Variants in VPS4A observed in about 807,000 individuals in gnomAD.
VPS4A encodes the protein vacuolar protein sorting 4 homolog A, also known as vacuolar protein sorting-associated protein 4A.
In VPS4A, 20 loss-of-function variants were observed where a neutral mutation model predicts 52.3. That is an observed-to-expected ratio of 0.38 (90% CI 0.27 to 0.56). VPS4A has a LOEUF of 0.56. Among genes scored for constraint, VPS4A ranks in the 20% least tolerant of loss-of-function variants. VPS4A has a pLI of 0.72. For missense variants in VPS4A, 419 were observed against 575.9 expected, an observed-to-expected ratio of 0.73 and a Z score of 2.79; for synonymous variants, 293 against 227.7, an observed-to-expected ratio of 1.29 and a Z score of -2.58.
chr16:69,321,674 C>T lies in VPS4A; in HGVS notation c.1071+404C>T. ...GCTGTGGGTCCTCCTGTGTGCCCGGCCCTGTCCTAAGTGCTGGGAAGATAT... is the reference window on the plus strand; with the variant it reads ...GCTGTGGGTCCTCCTGTGTGCCCGGTCCTGTCCTAAGTGCTGGGAAGATAT... On this transcript the variant is annotated intron_variant, in intron 9 of 10. Transcript: ENST00000254950. This position sits in a 1 kb window ranked among gnomAD's most constrained non-coding sequence, Gnocchi z 4.5. 1 of 238,576 alleles carries T rather than the reference C, an allele frequency of 4.2e-6. No individual in the cohort carries two copies. The highest frequency in any genetic ancestry group is 5.0e-5 in the Admixed American group (1 of 19,844). 14.8% of individuals were successfully genotyped at this position (238,576 alleles called of 1,614,324 possible).
Position 69,312,735 on chromosome 16 carries a change from C to G in VPS4A, c.21+1203C>G, listed in dbSNP as rs2143242901. 2.0e-5 allele frequency among the ~76,000 whole-genome samples: 3 copies of G among 152,212 alleles called. No individual in the cohort carries two copies. The East Asian group carries it at 5.8e-4, about 29-fold the overall frequency. On this transcript the variant is annotated intron_variant, in intron 1 of 10. Coordinates refer to ENST00000254950, the MANE Select transcript of VPS4A (RefSeq NM_013245.3). ...TCAAGCGATTCTCCTGCCTCAGCCT[C>G]CTGAGTAGCTGGGATTACGGGCACC...
At position 69,316,339 on chromosome 16, in the gene VPS4A, A is replaced by G. The variant is rs532302590; in HGVS notation, c.248A>G (p.Lys83Arg). 127 of 1,613,874 alleles carry G rather than the reference A, an allele frequency of 7.9e-5. No individual in the cohort carries two copies. The highest frequency in any genetic ancestry group is 9.2e-5 in the Non-Finnish European group (108 of 1,179,866). ...YLRSKEKHGK[K>R]PVKENQSEGK... ...CGAAGCAAAGAGAAACACGGCAAGA[A>G]GCCAGTCAAAGAGAACCAGAGTGAG... Residue 83 changes from lysine to arginine, a missense_variant, in exon 3 of 11, where the codon AAG (lysine) becomes AGG (arginine). This residue lies in a region of VPS4A where 131 missense variants were observed against 165.4 expected (regional missense o/e 0.79). Coordinates refer to ENST00000254950, the MANE Select transcript of VPS4A (RefSeq NM_013245.3).
rs776989074 is a variant in VPS4A at position 69,321,986 on chromosome 16, G to A, written c.1072-574G>A. On this transcript the variant is annotated intron_variant, in intron 9 of 10. Transcript: ENST00000254950. This position sits in a 1 kb window ranked among gnomAD's most constrained non-coding sequence, Gnocchi z 4.5. The stretch of plus-strand genomic sequence containing the variant: ...TCATGCTGCTGATAAAGACATACCC[G>A]AGACTGGGAAGAAAAAGAGGTTTAA... 8.4e-5 allele frequency: 13 copies of A among 155,640 alleles called. No homozygotes were observed. The highest frequency in any genetic ancestry group is 1.2e-4 in the African/African-American group (5 of 41,486). The allele number at this position is 155,640 out of a possible 1,614,324, so 9.6% of individuals were successfully genotyped here.
At chr16:69,318,240 T>C (rs1221961793) in intron 3 of VPS4A, among the ~76,000 whole-genome samples, 1 of 152,176 alleles carries the variant, frequency 6.6e-6, no homozygotes, top group Admixed American at 6.5e-5. Context: ...CCCAGAGTGC[T>C]GGGATTACAG....
chr16:69,315,432 T>C (rs1427055599), intron 1 of VPS4A, among the ~76,000 whole-genome samples: 1 of 152,188 alleles, frequency 6.6e-6, no homozygotes, highest in Non-Finnish European at 1.5e-5. Flanking sequence ...GGTGTCACTT[T>C]AGACAGCGAA....
At chr16:69,323,739 C>G (rs1174394775) in intron 10 of VPS4A, 4 of 446,784 alleles carry the variant, frequency 9.0e-6, no homozygotes, top group Admixed American at 4.9e-5. Flanking sequence ...CGCCTGAGGT[C>G]AGGAGTTCAA....
In VPS4A at chr16:69,318,688, A is replaced by G; in HGVS notation, c.320A>G (p.Lys107Arg). 6.2e-7 allele frequency: 1 copy of G among 1,613,570 alleles called. No homozygotes were observed. Residue 107 changes from lysine to arginine, a missense_variant, in exon 4 of 11, where the codon AAG becomes AGG. Transcript: ENST00000254950. ...SDSEGDNPEK[K>R]KLQEQLMGAV... ...AGTGAAGGGGATAATCCGGAGAAAA[A>G]GAAACTGCAAGAACAGCTGATGGGT...
At position 69,320,303 on chromosome 16, in the gene VPS4A, C is replaced by T; in HGVS notation, c.769+14C>T. 6.2e-7 allele frequency: 1 copy of T among 1,609,194 alleles called. No homozygotes were observed. The highest frequency in any genetic ancestry group is 8.5e-7 in the Non-Finnish European group (1 of 1,176,008). On this transcript the variant is annotated intron_variant, in intron 7 of 10. Coordinates refer to ENST00000254950, the MANE Select transcript of VPS4A (RefSeq NM_013245.3). This position sits in a 1 kb window ranked among gnomAD's most constrained non-coding sequence, Gnocchi z 4.2. The stretch of plus-strand genomic sequence containing the variant: ...TCCAGATGCAGGGTGTGTGCCGGGC[C>T]CAGGGCCCCCTTGGTTCTTGTTGCA...
Position 69,318,915 on chromosome 16 carries a change from CCAAT to C in VPS4A, c.440_443del (p.Ile147AsnfsTer50). The C allele has an allele frequency of 1.9e-6, 3 of 1,613,590 alleles. No individual in the cohort carries two copies. The highest frequency in any genetic ancestry group is 1.7e-5 in the Admixed American group (1 of 60,004). On this transcript the variant is annotated frameshift_variant, in exon 5 of 11. Transcript: ENST00000254950. LOFTEE classifies it high-confidence loss of function. ...GGCCCTCAAAGAAGCTGTCATTTTG[CCAAT>C]CAAATTCCCACACTTGTTCACAGGT... is the stretch of plus-strand genomic sequence containing the variant.
intron 1 of VPS4A, among the ~76,000 whole-genome samples, chr16:69,314,357 G>A (rs559062761): frequency 6.6e-6 from 1 of 152,198 alleles, no homozygotes; most frequent in African/African-American, 2.4e-5. Flanking sequence ...AATACCTTCA[G>A]TATTGTTCTA....
At chr16:69,318,323 C>T (rs941568983) in intron 3 of VPS4A, among the ~76,000 whole-genome samples, 4 of 152,308 alleles carry the variant, frequency 2.6e-5, no homozygotes, top group Middle Eastern at 3.4e-3. Flanking sequence ...AGGTGTGAGT[C>T]ACCGCACCTG....
At chr16:69,319,316 C>G (rs1228099618) in intron 5 of VPS4A, 71 bp from the exon 6 acceptor site, 12 of 1,584,210 alleles carry the variant, frequency 7.6e-6, no homozygotes, top group Non-Finnish European at 8.6e-6. Context: ...ATGTATGGGA[C>G]TCGAGACCCT....
rs1382064998 is a variant in VPS4A at position 69,325,449 on chromosome 16, A to G, written c.*1140A>G. 1 of 103,526 alleles carries G rather than the reference A, an allele frequency of 9.7e-6. No individual in the cohort carries two copies. The highest frequency in any genetic ancestry group is 9.1e-5 in the Admixed American group (1 of 10,994). The allele number at this position is 103,526 out of a possible 1,614,324, so 6.4% of individuals were successfully genotyped here. On this transcript the variant is annotated 3_prime_UTR_variant, in exon 11 of 11. Coordinates refer to ENST00000254950, the MANE Select transcript of VPS4A (RefSeq NM_013245.3). ...TTGGGCCGCTAACATTTAAAAGTCG[A>G]GAGTTGCTGGGCGCGGTGGCTCACG... is the stretch of plus-strand genomic sequence containing the variant.
Position 69,320,226 on chromosome 16 carries a change from C to T in VPS4A, c.706C>T (p.Arg236Ter), listed in dbSNP as rs759163393. The T allele has an allele frequency of 1.9e-6, 3 of 1,613,968 alleles. No homozygotes were observed. The highest frequency in any genetic ancestry group is 1.7e-5 in the Admixed American group (1 of 60,022). The change falls in exon 7 of 11, where the codon CGA becomes TGA. Residue 236 changes from arginine to a stop codon, truncating the protein, a stop_gained. Transcript: ENST00000254950. LOFTEE classifies it high-confidence loss of function. The surrounding 1 kb of genome is among the most constrained non-coding windows in gnomAD (Gnocchi z 4.2). ...TGAGGTGGATTCCCTCTGCGGGTCC[C>T]GAAATGAAAATGAGAGTGAGGCCGC... ...IDEVDSLCGSRNENESEAARR... is the reference protein window; with the variant it reads ...IDEVDSLCGS
chr16:69,318,736 A>T (rs1965469618), intron 4 of VPS4A, 25 bp downstream of exon 4: 1 of 1,613,418 alleles, frequency 6.2e-7, no homozygotes. Flanking sequence ...GCCCTGTGGC[A>T]GCGGCAGGGG....
rs1965562205 is a variant in VPS4A at position 69,324,680 on chromosome 16, G to A, written c.*371G>A. The A allele has an allele frequency of 1.9e-5, 4 of 213,540 alleles. No individual in the cohort carries two copies. Among genetic ancestry groups the A allele is most frequent in the Admixed American group, 1.5e-4 (3 of 20,570 alleles). 13.2% of individuals were successfully genotyped at this position (213,540 alleles called of 1,614,324 possible). A position where few individuals can be genotyped will look rare whatever the true frequency, so the allele number is the denominator to read the frequency against. On this transcript the variant is annotated 3_prime_UTR_variant, in exon 11 of 11. Coordinates refer to ENST00000254950, the MANE Select transcript of VPS4A (RefSeq NM_013245.3). Reference sequence around the variant, plus strand: ...GTCAAGGAGTGGGGCGGGGTGGCGGGGGAGAAGCAGCCGTGCTGCCAGGTC... The same window carrying A: ...GTCAAGGAGTGGGGCGGGGTGGCGGAGGAGAAGCAGCCGTGCTGCCAGGTC...
In VPS4A at chr16:69,319,552, G is replaced by T. The variant is rs750094020; in HGVS notation, c.620+9G>T. On this transcript the variant is annotated intron_variant, in intron 6 of 10. Coordinates refer to ENST00000254950, the MANE Select transcript of VPS4A (RefSeq NM_013245.3). ...CTGGGGGAGAGTGAAAAGTAAGTCGGCCACCAGGCCATGCTCTGCCAGCAG... is the reference window on the plus strand; with the variant it reads ...CTGGGGGAGAGTGAAAAGTAAGTCGTCCACCAGGCCATGCTCTGCCAGCAG... 14 of 1,607,218 alleles carry T rather than the reference G, an allele frequency of 8.7e-6. No homozygotes were observed. Among genetic ancestry groups the T allele is most frequent in the Non-Finnish European group, 1.1e-5 (13 of 1,177,114 alleles).
chr16:69,320,390 G>C lies in VPS4A; in HGVS notation c.769+101G>C. The C allele has an allele frequency of 6.6e-6, 10 of 1,510,876 alleles. No individual in the cohort carries two copies. The South Asian group carries it at 1.3e-4, about 19-fold the overall frequency. The allele number at this position is 1,510,876 out of a possible 1,614,324, so 93.6% of individuals were successfully genotyped here. On this transcript the variant is annotated intron_variant, in intron 7 of 10. Coordinates refer to ENST00000254950, the MANE Select transcript of VPS4A (RefSeq NM_013245.3). This position sits in a 1 kb window ranked among gnomAD's most constrained non-coding sequence, Gnocchi z 4.2. Reference sequence around the variant, plus strand: ...CTGGATTTGGTTGTTCTCAGCCTCGGAGAGGCACTCCCCAGCTCCAGCCCC... The same window carrying C: ...CTGGATTTGGTTGTTCTCAGCCTCGCAGAGGCACTCCCCAGCTCCAGCCCC...
In VPS4A at chr16:69,321,435, C is replaced by T. The variant is rs1965510484; in HGVS notation, c.1071+165C>T. 2.8e-6 allele frequency: 2 copies of T among 706,098 alleles called. No homozygotes were observed. Among genetic ancestry groups the T allele is most frequent in the East Asian group, 2.7e-5 (1 of 36,636 alleles). 43.7% of individuals were successfully genotyped at this position (706,098 alleles called of 1,614,324 possible). On this transcript the variant is annotated intron_variant, in intron 9 of 10. Transcript: ENST00000254950. This position sits in a 1 kb window ranked among gnomAD's most constrained non-coding sequence, Gnocchi z 4.5. ...GTGCCATGGGGGCTGCACCCACTGT[C>T]CCCTCCCTGCAGCTCTTCTGGAGTG... is the stretch of plus-strand genomic sequence containing the variant.
Sources: gnomAD v4.1 joint callset for allele counts (sites outside exome capture counted in the v4.1 genomes callset) on GRCh38, gnomAD v4.1.1 for gene constraint, gnomAD v4.1.1 regional missense constraint, Gnocchi (gnomAD v3.1) non-coding constraint, MANE v1.5 for transcripts, NCBI Gene and HGNC (gene_info 2026-07-23, HGNC 2026-07-21) for gene names.